The following BTRC variants were observed in gnomAD, a reference collection of about 807,000 sequenced individuals.
The protein encoded by BTRC is F-box/WD repeat-containing protein 1A.
A neutral mutation model predicts 85.5 loss-of-function variants in BTRC; 42 were observed. The observed-to-expected ratio is 0.49, with a 90% CI of 0.38 to 0.64. The LOEUF (loss-of-function observed/expected upper bound fraction) is 0.64. Among genes scored for constraint, BTRC ranks in the 30% least tolerant of loss-of-function variants. The pLI is 0.00. For synonymous variants in BTRC, 255 were observed against 263.3 expected (o/e 0.97, Z 0.30); for missense variants, 594 against 743.5 (o/e 0.80, Z 2.34).
intron 4 of BTRC, among the ~76,000 whole-genome samples, chr10:101,517,821 C>G (rs2062042983): frequency 6.6e-6 from 1 of 152,056 alleles, no homozygotes; most frequent in African/African-American, 2.4e-5. Flanking sequence ...AGAATATACA[C>G]TGAATCCCAA....
chr10:101,506,964 T>G (rs1260124131), intron 4 of BTRC, among the ~76,000 whole-genome samples: 1 of 152,254 alleles, frequency 6.6e-6, no homozygotes, highest in Admixed American at 6.5e-5. Context: ...CTCCTAGATA[T>G]AGTTCATACC....
intron 4 of BTRC, among the ~76,000 whole-genome samples, chr10:101,509,144 A>T (rs551360770): frequency 6.6e-6 from 1 of 150,478 alleles, no homozygotes; most frequent in Non-Finnish European, 1.5e-5. Context: ...TGCTATCACC[A>T]TCTTCATCAC....
intron 4 of BTRC, among the ~76,000 whole-genome samples, chr10:101,517,508 G>A (rs1564820109): frequency 6.6e-6 from 1 of 152,178 alleles, no homozygotes; most frequent in Non-Finnish European, 1.5e-5. Flanking sequence ...CAGTTTTATA[G>A]CATGTTCCAC....
chr10:101,531,171 AAAATATATATGTATTT>A, intron 6 of BTRC, 50 bp from the exon 7 acceptor site: 1 of 1,322,392 alleles, frequency 7.6e-7, no homozygotes, highest in African/African-American at 1.5e-5. Flanking sequence ...ACTCTGTCTC[AAAATATATATGTATTT>A]AAATATATAA....
intron 2 of BTRC, among the ~76,000 whole-genome samples, chr10:101,445,659 C>T (rs758424459): frequency 6.6e-6 from 1 of 152,176 alleles, no homozygotes; most frequent in African/African-American, 2.4e-5. Flanking sequence ...TCTTGCTCTA[C>T]TGACATCAAT....
intron 2 of BTRC, among the ~76,000 whole-genome samples, chr10:101,442,288 C>CTGTGTGTATGTGTG (rs1944705780): frequency 1.0e-5 from 1 of 99,280 alleles, no homozygotes; most frequent in African/African-American, 5.4e-5. Context: ...CTCTCTGTCT[C>CTGTGTGTATGTGTG]TGTGTGTATG....
At chr10:101,419,834 C>G (rs1164272927) in intron 1 of BTRC, among the ~76,000 whole-genome samples, 1 of 152,100 alleles carries the variant, frequency 6.6e-6, no homozygotes, top group African/African-American at 2.4e-5. Context: ...ACTCTGGCCC[C>G]TGTATTATTT....
intron 1 of BTRC, among the ~76,000 whole-genome samples, chr10:101,404,024 A>ATT (rs1343104334): frequency 8.3e-5 from 2 of 24,072 alleles, no homozygotes; most frequent in African/African-American, 1.3e-4. Flanking sequence ...ATATATATAT[A>ATT]TATATATTTT....
rs528607571 is a variant in BTRC at position 101,364,646 on chromosome 10, T to C, written c.48+10418T>C. On this transcript the variant is annotated intron_variant, in intron 1 of 14. Coordinates refer to ENST00000370187, the MANE Select transcript of BTRC (RefSeq NM_033637.4). ...ATTATAGCATGTGGATAAATATTTT[T>C]GTAGCACAGATTCATAAATCCTTGT... is the stretch of plus-strand genomic sequence containing the variant. 2.6e-5 allele frequency among the ~76,000 whole-genome samples: 4 copies of C among 152,312 alleles called. No homozygotes were observed. In the South Asian group the frequency reaches 8.3e-4, roughly 32 times the overall value.
intron 2 of BTRC, among the ~76,000 whole-genome samples, chr10:101,432,162 C>T (rs1200108328): frequency 2.0e-5 from 3 of 147,640 alleles, no homozygotes; most frequent in African/African-American, 7.5e-5. Context: ...CAGTCTTGCT[C>T]TGTTGTCCAG....
At chr10:101,532,575 C>A (rs371837513) in intron 8 of BTRC, 143 bp downstream of exon 8, 2 of 1,142,268 alleles carry the variant, frequency 1.8e-6, no homozygotes, top group East Asian at 2.7e-5. Context: ...AAGCCAAAAT[C>A]ATTTCCTTAA....
At position 101,556,467 on chromosome 10, in the gene BTRC, C is replaced by T. The variant is rs1189905472; in HGVS notation, c.*3344C>T. The T allele has an allele frequency of 6.6e-6, 1 of 152,196 alleles. No homozygotes were observed. The highest frequency in any genetic ancestry group is 1.9e-4 in the East Asian group (1 of 5,196). The allele number at this position is 152,196 out of a possible 1,614,324, so 9.4% of individuals were successfully genotyped here. On this transcript the variant is annotated 3_prime_UTR_variant, in exon 15 of 15. Coordinates refer to ENST00000370187, the MANE Select transcript of BTRC (RefSeq NM_033637.4). ...AGCATCTCCCTTTTGCCTTAGATGG[C>T]AACACCCTCCAGTCTGTAGCAGAGC...
chr10:101,377,772 A>T (rs907383356), intron 1 of BTRC, among the ~76,000 whole-genome samples: 3 of 152,130 alleles, frequency 2.0e-5, no homozygotes. Flanking sequence ...TGTACTATTG[A>T]ATATTCATGG....
intron 3 of BTRC, among the ~76,000 whole-genome samples, chr10:101,464,803 A>G (rs1298551186): frequency 6.6e-6 from 1 of 152,126 alleles, no homozygotes; most frequent in Non-Finnish European, 1.5e-5. Flanking sequence ...ATGAATGCAG[A>G]TTTGTAAATT....
At chr10:101,508,035 G>T (rs1946586922) in intron 4 of BTRC, among the ~76,000 whole-genome samples, 4 of 152,148 alleles carry the variant, frequency 2.6e-5, no homozygotes, top group African/African-American at 9.7e-5. Flanking sequence ...GCATGAGGGG[G>T]CCAATAAAGA....
chr10:101,354,716 G>A (rs61873996), intron 1 of BTRC: 5,829 of 163,730 alleles, frequency 0.036, 147 homozygotes, highest in Middle Eastern at 0.084. Context: ...GGATGCAGAT[G>A]GATTTAAGGG....
At chr10:101,442,296 A>AGGTGTGTGTGTGTG (rs141822696) in intron 2 of BTRC, among the ~76,000 whole-genome samples, 2 of 141,984 alleles carry the variant, frequency 1.4e-5, no homozygotes, top group Non-Finnish European at 3.1e-5. Flanking sequence ...CTCTGTGTGT[A>AGGTGTGTGTGTGTG]TGTGTGTGTG....
chr10:101,534,941 C>T, intron 10 of BTRC, 31 bp downstream of exon 10: 1 of 1,598,314 alleles, frequency 6.3e-7, no homozygotes, highest in Non-Finnish European at 8.6e-7. Flanking sequence ...AAGTTTCCAA[C>T]TTAGAATGGG....
intron 4 of BTRC, among the ~76,000 whole-genome samples, chr10:101,515,515 AT>A (rs35221060): frequency 0.073 from 10,571 of 145,600 alleles, 348 homozygotes; most frequent in African/African-American, 0.085. Context: ...AATTTTATCC[AT>A]TTTTTTTTTT....
Sources: gnomAD v4.1 joint callset for allele counts (sites outside exome capture counted in the v4.1 genomes callset) on GRCh38, gnomAD v4.1.1 for gene constraint, MANE v1.5 for transcripts, NCBI Gene and HGNC (gene_info 2026-07-23, HGNC 2026-07-21) for gene names.